GDA: variants seen among roughly 807,000 people sequenced by gnomAD.
GDA encodes the protein guanine deaminase.
A neutral mutation model predicts 59.6 loss-of-function variants in GDA; 18 were observed. The ratio of observed to expected loss-of-function variants is 0.30; its 90% CI spans 0.21 to 0.45. The LOEUF is 0.45. Among genes scored for constraint, GDA ranks in the 20% least tolerant of loss-of-function variants. The pLI is 1.00. For synonymous variants in GDA, 201 were observed against 201.1 expected (o/e 1.00, Z 0.00); for missense variants, 427 against 552.3 (o/e 0.77, Z 2.27).
Position 72,251,424 on chromosome 9 carries a change from C to G in GDA, c.*3082C>G, listed in dbSNP as rs1398260162. ...TGGAAGGCACATTGTATCAATTCTA[C>G]CTTGTGCTATACGTAGGAGAGATCC... is the stretch of plus-strand genomic sequence containing the variant. On this transcript the variant is annotated 3_prime_UTR_variant, in exon 14 of 14. Transcript: ENST00000358399. The G allele has an allele frequency of 1.3e-5, 2 of 152,780 alleles. No homozygotes were observed. Among genetic ancestry groups the G allele is most frequent in the Non-Finnish European group, 2.9e-5 (2 of 68,552 alleles). 9.5% of individuals were successfully genotyped at this position (152,780 alleles called of 1,614,324 possible).
At chr9:72,216,072 G>A (rs1836068502) in intron 5 of GDA, among the ~76,000 whole-genome samples, 1 of 152,118 alleles carries the variant, frequency 6.6e-6, no homozygotes, top group African/African-American at 2.4e-5. Context: ...AGGTAGCAAG[G>A]GACAATAGAA....
chr9:72,183,576 C>T (rs966521121), intron 1 of GDA, among the ~76,000 whole-genome samples: 5 of 152,234 alleles, frequency 3.3e-5, no homozygotes, highest in African/African-American at 9.6e-5. Context: ...GTCTAATGGC[C>T]GTTAGCCTGT....
At chr9:72,125,816 C>A (rs892089648) in intron 1 of GDA, among the ~76,000 whole-genome samples, 1 of 152,070 alleles carries the variant, frequency 6.6e-6, no homozygotes, top group Non-Finnish European at 1.5e-5. Context: ...ATGTCCTGAT[C>A]CTCCCAGTTA....
chr9:72,254,930 C>T (rs546928057), downstream of GDA, among the ~76,000 whole-genome samples: 1 of 152,264 alleles, frequency 6.6e-6, no homozygotes, highest in South Asian at 2.1e-4. Context: ...TGAAGGATGG[C>T]TTTGTGTTTG....
chr9:72,252,277 G>T (rs748964553), downstream of GDA: 3 of 152,430 alleles, frequency 2.0e-5, no homozygotes, highest in African/African-American at 4.8e-5. Flanking sequence ...CTATCAATCT[G>T]CTGGAAGAGG....
rs150377087 is a variant in GDA at position 72,137,409 on chromosome 9, G to A, written c.-100+22576G>A. On this transcript the variant is annotated intron_variant, in intron 1 of 13. Transcript: ENST00000545168. Reference sequence around the variant, plus strand: ...CTACAGTCTCCTGCCACCACGCCCGGCTAATTTTTTTGTATTTTTAGTAGA... The same window carrying A: ...CTACAGTCTCCTGCCACCACGCCCGACTAATTTTTTTGTATTTTTAGTAGA... 3.0e-3 allele frequency among the ~76,000 whole-genome samples: 461 copies of A among 151,734 alleles called. 2 individuals are homozygous for A. Among genetic ancestry groups the A allele is most frequent in the Admixed American group, 7.0e-3 (107 of 15,228 alleles).
At chr9:72,134,069 A>G (rs988892857) in intron 1 of GDA, among the ~76,000 whole-genome samples, 1 of 152,216 alleles carries the variant, frequency 6.6e-6, no homozygotes, top group Admixed American at 6.5e-5. Flanking sequence ...CGGGAGGATC[A>G]TGAATAAGTG....
intron 1 of GDA, among the ~76,000 whole-genome samples, chr9:72,120,207 A>G (rs1382014421): frequency 9.2e-6 from 1 of 108,894 alleles, no homozygotes; most frequent in African/African-American, 3.7e-5. Flanking sequence ...TTTTTTTTTG[A>G]GATAGAGTCT....
chr9:72,142,912 G>A (rs989348663), intron 1 of GDA, among the ~76,000 whole-genome samples: 2 of 150,926 alleles, frequency 1.3e-5, no homozygotes, highest in Admixed American at 1.3e-4. Context: ...TGGGATTACA[G>A]GCATGTGCCA....
chr9:72,159,678 C>T (rs918128068), intron 1 of GDA, among the ~76,000 whole-genome samples: 7 of 152,156 alleles, frequency 4.6e-5, no homozygotes, highest in African/African-American at 1.4e-4. Flanking sequence ...CTCACACATG[C>T]ACACCCTTAT....
rs373746179 is a variant in GDA at position 72,162,712 on chromosome 9, C to T, written c.123+13030C>T. Among the ~76,000 whole-genome samples, 673 of 151,588 alleles carry T rather than the reference C, an allele frequency of 4.4e-3. 6 individuals are homozygous for T. The highest frequency in any genetic ancestry group is 0.015 in the African/African-American group (630 of 41,342). ...TTGCTCTGTTGCCCAGGCTGGAGTG[C>T]GGTGGCGTGGTCTCGGCTTACTGCA... is the stretch of plus-strand genomic sequence containing the variant. On this transcript the variant is annotated intron_variant, in intron 1 of 13. Transcript: ENST00000358399.
chr9:72,135,695 G>A (rs1259661398), intron 1 of GDA, among the ~76,000 whole-genome samples: 2 of 152,056 alleles, frequency 1.3e-5, no homozygotes, highest in African/African-American at 4.8e-5. Context: ...TTGGGAGGCC[G>A]AGGTGGGCAG....
chr9:72,248,485 T>C lies in GDA; in HGVS notation c.*143T>C. 2 of 1,454,902 alleles carry C rather than the reference T, an allele frequency of 1.4e-6. No individual in the cohort carries two copies. The highest frequency in any genetic ancestry group is 1.8e-6 in the Non-Finnish European group (2 of 1,101,188). The allele number at this position is 1,454,902 out of a possible 1,614,324, so 90.1% of individuals were successfully genotyped here. Reference sequence around the variant, plus strand: ...TCTGTGTCTAGTTACAGTATTCACTTGACAAATAGTTCGAAGGAAGTTGCA... The same window carrying C: ...TCTGTGTCTAGTTACAGTATTCACTCGACAAATAGTTCGAAGGAAGTTGCA... On this transcript the variant is annotated 3_prime_UTR_variant, in exon 14 of 14. Transcript: ENST00000358399.
At chr9:72,133,238 C>T (rs1418199221) in intron 1 of GDA, among the ~76,000 whole-genome samples, 5 of 139,044 alleles carry the variant, frequency 3.6e-5, no homozygotes, top group African/African-American at 1.1e-4. Context: ...TGTAGTGAAC[C>T]GAGATAGCGC....
In GDA at chr9:72,250,941, CA is replaced by C; in HGVS notation, c.*2602del. The C allele has an allele frequency of 1.1e-6, 1 of 932,086 alleles. No homozygotes were observed. Among genetic ancestry groups the C allele is most frequent in the South Asian group, 1.5e-5 (1 of 68,646 alleles). 57.7% of individuals were successfully genotyped at this position (932,086 alleles called of 1,614,324 possible). ...AGTCAGCTAAGGTAAATTTCATTTT[CA>C]AACGAGAGGGAAACATGGGAAGTAA... On this transcript the variant is annotated 3_prime_UTR_variant, in exon 14 of 14. Transcript: ENST00000358399.
intron 9 of GDA, chr9:72,228,345 T>A: frequency 3.3e-6 from 1 of 299,840 alleles, no homozygotes; most frequent in South Asian, 3.7e-5. Context: ...AACCCATATG[T>A]CAGCCAGGAA....
At chr9:72,232,615 C>A (rs2131679361) in intron 10 of GDA, among the ~76,000 whole-genome samples, 1 of 152,262 alleles carries the variant, frequency 6.6e-6, no homozygotes, top group Middle Eastern at 3.4e-3. Flanking sequence ...TTAGCAGACA[C>A]ATAAAAATCA....
At position 72,124,829 on chromosome 9, in the gene GDA, C is replaced by T. The variant is rs541378831; in HGVS notation, c.-100+9996C>T. ...TTCACCATGGTGGTCAGGCTGGTCT[C>T]GAACTCCTGACCTTGTGATCCACCC... On this transcript the variant is annotated intron_variant, in intron 1 of 13. Coordinates refer to the GDA transcript ENST00000545168. 6.5e-3 allele frequency among the ~76,000 whole-genome samples: 989 copies of T among 152,142 alleles called. 5 individuals are homozygous for T. Among genetic ancestry groups the T allele is most frequent in the Non-Finnish European group, 0.011 (763 of 67,988 alleles).
chr9:72,142,334 G>A (rs1343553349), intron 1 of GDA, among the ~76,000 whole-genome samples: 1 of 152,108 alleles, frequency 6.6e-6, no homozygotes, highest in Non-Finnish European at 1.5e-5. Flanking sequence ...TATGGAAACT[G>A]GCCGGGTGCG....
Sources: allele counts gnomAD v4.1 joint callset (sites outside exome capture counted in the v4.1 genomes callset), GRCh38; gene constraint gnomAD v4.1.1; transcripts MANE v1.5; gene names NCBI Gene and HGNC (gene_info 2026-07-23, HGNC 2026-07-21).